Variants in LRMDA observed in about 807,000 individuals in gnomAD.
LRMDA encodes leucine rich melanocyte differentiation associated, also known as leucine-rich melanocyte differentiation-associated protein.
A neutral mutation model predicts 29.8 loss-of-function variants in LRMDA; 18 were observed. The ratio of observed to expected loss-of-function variants is 0.60; its 90% confidence interval spans 0.42 to 0.90. LRMDA has a LOEUF of 0.90. Among genes scored for constraint, LRMDA ranks in the 40% least tolerant of loss-of-function variants. The pLI is 0.00. For missense variants in LRMDA, 273 were observed against 273.9 expected, an observed-to-expected ratio of 1.00 and a Z score of 0.02; for synonymous variants, 125 against 109.4, an observed-to-expected ratio of 1.14 and a Z score of -0.89.
intron 2 of LRMDA, among the ~76,000 whole-genome samples, chr10:75,949,209 A>G (rs1198497084): frequency 1.3e-5 from 2 of 152,212 alleles, no homozygotes; most frequent in Non-Finnish European, 2.9e-5. Context: ...CTGGAATACC[A>G]GAAGCAGCTG....
intron 2 of LRMDA, among the ~76,000 whole-genome samples, chr10:75,888,981 A>G (rs1455771568): frequency 6.6e-6 from 1 of 152,192 alleles, no homozygotes; most frequent in Non-Finnish European, 1.5e-5. Flanking sequence ...TTTCTGTGTA[A>G]GAATTTCTTT....
At chr10:76,150,400 T>A (rs1386819468) in intron 5 of LRMDA, among the ~76,000 whole-genome samples, 2 of 152,236 alleles carry the variant, frequency 1.3e-5, no homozygotes, top group Non-Finnish European at 2.9e-5. Flanking sequence ...GGAATGTGCT[T>A]GGACCTGCTC....
At chr10:76,025,466 G>C (rs1289932154) in intron 2 of LRMDA, among the ~76,000 whole-genome samples, 10 of 151,698 alleles carry the variant, frequency 6.6e-5, no homozygotes, top group Admixed American at 6.6e-4. Flanking sequence ...ACGCTGTCCT[G>C]TATGGTGTCC....
intron 5 of LRMDA, among the ~76,000 whole-genome samples, chr10:76,201,862 G>A (rs1589374138): frequency 6.6e-6 from 1 of 152,290 alleles, no homozygotes; most frequent in South Asian, 2.1e-4. Flanking sequence ...TTAGTTCCCA[G>A]TTGTGCAGAT....
chr10:75,504,894 A>C (rs944914034), intron 2 of LRMDA, among the ~76,000 whole-genome samples: 1 of 152,120 alleles, frequency 6.6e-6, no homozygotes, highest in African/African-American at 2.4e-5. Flanking sequence ...GAAAAAAATC[A>C]CTCTGGCTAC....
intron 5 of LRMDA, among the ~76,000 whole-genome samples, chr10:76,304,079 G>A (rs1007106989): frequency 1.7e-4 from 26 of 152,236 alleles, no homozygotes; most frequent in African/African-American, 6.0e-4. Context: ...CTAATGGTGT[G>A]CGTACCTGCA....
intron 5 of LRMDA, among the ~76,000 whole-genome samples, chr10:76,136,772 G>T (rs370895902): frequency 1.3e-5 from 2 of 152,052 alleles, no homozygotes; most frequent in African/African-American, 4.8e-5. Context: ...TTTAAAATCC[G>T]ATACAGTCAA....
At chr10:76,510,031 T>C (rs1842994405) in intron 6 of LRMDA, among the ~76,000 whole-genome samples, 1 of 152,140 alleles carries the variant, frequency 6.6e-6, no homozygotes. Flanking sequence ...TGTTTATTTT[T>C]GTTTTGTTTT....
intron 2 of LRMDA, among the ~76,000 whole-genome samples, chr10:75,749,745 T>C (rs1398353790): frequency 6.6e-6 from 1 of 151,590 alleles, no homozygotes; most frequent in African/African-American, 2.4e-5. Flanking sequence ...TGAACAAGGG[T>C]CTCTGGTTTT....
intron 2 of LRMDA, among the ~76,000 whole-genome samples, chr10:75,460,328 T>C (rs916018372): frequency 2.0e-5 from 3 of 152,212 alleles, no homozygotes; most frequent in East Asian, 1.9e-4. Context: ...TTTTGAATTA[T>C]GTTTTTTAAA....
intron 2 of LRMDA, among the ~76,000 whole-genome samples, chr10:75,569,169 A>G (rs1326335657): frequency 6.6e-6 from 1 of 151,928 alleles, no homozygotes; most frequent in Non-Finnish European, 1.5e-5. Context: ...CTTTCTCTGT[A>G]TTGTCATAGC....
At chr10:76,038,426 C>T (rs766991860) in intron 3 of LRMDA, among the ~76,000 whole-genome samples, 5 of 152,134 alleles carry the variant, frequency 3.3e-5, no homozygotes, top group Admixed American at 6.5e-5. Context: ...TAGGAGGGAC[C>T]GAAGCAGAAG....
chr10:76,437,015 C>T (rs991600159), intron 6 of LRMDA, among the ~76,000 whole-genome samples: 2 of 152,102 alleles, frequency 1.3e-5, no homozygotes, highest in Non-Finnish European at 2.9e-5. Flanking sequence ...GTGTGCAGAG[C>T]TTTTGGTTCC....
intron 2 of LRMDA, among the ~76,000 whole-genome samples, chr10:75,483,405 T>C (rs1253218438): frequency 2.0e-5 from 3 of 152,196 alleles, no homozygotes; most frequent in Non-Finnish European, 2.9e-5. Context: ...TTGACAAAAA[T>C]ACCCATAGAA....
At chr10:76,283,114 A>G (rs932446146) in intron 5 of LRMDA, among the ~76,000 whole-genome samples, 17 of 152,182 alleles carry the variant, frequency 1.1e-4, no homozygotes, top group Admixed American at 5.9e-4. Flanking sequence ...GTGTACAGTT[A>G]GCTCCCCTTT....
intron 5 of LRMDA, among the ~76,000 whole-genome samples, chr10:76,208,401 G>A (rs570947969): frequency 6.6e-6 from 1 of 152,124 alleles, no homozygotes; most frequent in Non-Finnish European, 1.5e-5. Flanking sequence ...ATTGGCGGGG[G>A]GCAACAGTTT....
At chr10:75,798,976 T>C (rs1228739683) in intron 2 of LRMDA, among the ~76,000 whole-genome samples, 1 of 152,244 alleles carries the variant, frequency 6.6e-6, no homozygotes, top group East Asian at 1.9e-4. Flanking sequence ...TGTTCATGAA[T>C]ACATCTTGTG....
intron 5 of LRMDA, among the ~76,000 whole-genome samples, chr10:76,082,645 G>T (rs1262741480): frequency 6.6e-6 from 1 of 152,000 alleles, no homozygotes; most frequent in East Asian, 1.9e-4. Context: ...AAGAATAAAT[G>T]ATCACCTTGT....
intron 6 of LRMDA, among the ~76,000 whole-genome samples, chr10:76,429,559 C>T (rs994624350): frequency 3.9e-5 from 6 of 151,970 alleles, no homozygotes; most frequent in Admixed American, 6.6e-5. Context: ...ACAGGGATGA[C>T]GGGTTGCGTT....
Sources: gnomAD v4.1 joint callset for allele counts (sites outside exome capture counted in the v4.1 genomes callset) on GRCh38, gnomAD v4.1.1 for gene constraint, MANE v1.5 for transcripts, NCBI Gene and HGNC (gene_info 2026-07-23, HGNC 2026-07-21) for gene names.